Variants in DLGAP1 observed in about 807,000 individuals in gnomAD.
The protein encoded by DLGAP1 is DLG associated protein 1, also known as disks large-associated protein 1.
Under a neutral mutation model 90.8 loss-of-function variants are expected in DLGAP1, and 11 were observed. That is an observed-to-expected ratio of 0.12 (90% CI 0.08 to 0.20). The LOEUF (loss-of-function observed/expected upper bound fraction) is 0.20. DLGAP1 is among the 10% of genes least tolerant of loss of function. The pLI is 1.00. For missense variants in DLGAP1, 1,050 were observed against 1,333.8 expected (o/e 0.79, Z 3.31); for synonymous variants, 558 against 540.7 (o/e 1.03, Z -0.44).
rs569012198 is a variant in DLGAP1 at position 4,424,408 on chromosome 18, C to T, written c.-267+30598G>A. ...AAAGATTTACATTTTCCAGAATTCA[C>T]CTCCTCTATTTCTGATTTTTACACC... On this transcript the variant is annotated intron_variant, in intron 1 of 12. Coordinates refer to ENST00000315677, the MANE Select transcript of DLGAP1 (RefSeq NM_004746.4). Among the ~76,000 whole-genome samples, 5 of 152,218 alleles carry T rather than the reference C, an allele frequency of 3.3e-5. No individual in the cohort carries two copies. In the South Asian group the frequency reaches 1.0e-3, roughly 32 times the overall value.
chr18:4,301,362 T>C (rs1048373928), intron 1 of DLGAP1, among the ~76,000 whole-genome samples: 2 of 152,236 alleles, frequency 1.3e-5, no homozygotes, highest in African/African-American at 2.4e-5. Flanking sequence ...TTTCAGATTC[T>C]ACACAAAGTG....
intron 2 of DLGAP1, among the ~76,000 whole-genome samples, chr18:4,059,606 G>A (rs2075271361): frequency 6.6e-6 from 1 of 152,124 alleles, no homozygotes; most frequent in Admixed American, 6.5e-5. Flanking sequence ...AGCTACTCGG[G>A]AGGCTGAGGC....
At chr18:3,734,654 T>C (rs1407418393) in intron 6 of DLGAP1, among the ~76,000 whole-genome samples, 1 of 152,228 alleles carries the variant, frequency 6.6e-6, no homozygotes, top group African/African-American at 2.4e-5. Flanking sequence ...ATCCTACAAA[T>C]GTGAATAGGC....
intron 1 of DLGAP1, among the ~76,000 whole-genome samples, chr18:4,299,037 C>T (rs1205231556): frequency 1.2e-4 from 18 of 148,194 alleles, no homozygotes; most frequent in Admixed American, 8.2e-4. Flanking sequence ...GCCCAGATCA[C>T]GCCACTGCAG....
intron 11 of DLGAP1, among the ~76,000 whole-genome samples, chr18:3,506,322 T>C (rs2050213110): frequency 6.6e-6 from 1 of 151,780 alleles, no homozygotes; most frequent in Non-Finnish European, 1.5e-5. Context: ...GAGACCAGCC[T>C]GACCAACATG....
In DLGAP1 at chr18:3,661,525, C is replaced by A. The variant is rs1278881191; in HGVS notation, c.1591+67610G>T. Among the ~76,000 whole-genome samples, 6 of 151,546 alleles carry A rather than the reference C, an allele frequency of 4.0e-5. No individual in the cohort carries two copies. The East Asian group carries it at 1.2e-3, about 29-fold the overall frequency. ...ACATGCAGACACTCATAAACATCAG[C>A]TGAGCCTAAGTGTCAAGTTTAGGCA... is the stretch of plus-strand genomic sequence containing the variant. On this transcript the variant is annotated intron_variant, in intron 7 of 12. Transcript: ENST00000315677.
At chr18:4,240,633 T>C (rs2078514445) in intron 1 of DLGAP1, among the ~76,000 whole-genome samples, 1 of 152,182 alleles carries the variant, frequency 6.6e-6, no homozygotes, top group African/African-American at 2.4e-5. Context: ...ACAAATAGAA[T>C]AAAAATCATA....
chr18:4,366,287 G>A (rs2081764575), intron 1 of DLGAP1, among the ~76,000 whole-genome samples: 1 of 151,942 alleles, frequency 6.6e-6, no homozygotes, highest in African/African-American at 2.4e-5. Flanking sequence ...ATTTGGAATT[G>A]GAAATTTTGA....
At chr18:3,756,041 T>C (rs2063704666) in intron 5 of DLGAP1, among the ~76,000 whole-genome samples, 2 of 151,978 alleles carry the variant, frequency 1.3e-5, no homozygotes, top group Non-Finnish European at 2.9e-5. Flanking sequence ...AATTTAGAAA[T>C]TACACTAAAC....
chr18:4,083,745 T>G (rs1330522949), intron 2 of DLGAP1, among the ~76,000 whole-genome samples: 2 of 152,238 alleles, frequency 1.3e-5, no homozygotes, highest in Non-Finnish European at 2.9e-5. Flanking sequence ...AGGGGGAGCA[T>G]GCAGATGAGC....
chr18:4,287,917 C>G (rs1218246316), intron 1 of DLGAP1, among the ~76,000 whole-genome samples: 2 of 151,610 alleles, frequency 1.3e-5, no homozygotes, highest in Non-Finnish European at 2.9e-5. Context: ...AGCGGGTACC[C>G]TGCTAACAAA....
chr18:3,839,085 T>A (rs1307589417), intron 4 of DLGAP1, among the ~76,000 whole-genome samples: 1 of 152,356 alleles, frequency 6.6e-6, no homozygotes, highest in Non-Finnish European at 1.5e-5. Flanking sequence ...TTATAATTTC[T>A]TGCTTTTGAG....
chr18:4,086,042 C>T (rs113381312), intron 2 of DLGAP1, among the ~76,000 whole-genome samples: 16 of 152,228 alleles, frequency 1.1e-4, no homozygotes, highest in African/African-American at 3.9e-4. Context: ...AAATAACTAC[C>T]TTTCATGTAT....
intron 6 of DLGAP1, among the ~76,000 whole-genome samples, chr18:3,735,595 G>A (rs2062606455): frequency 6.6e-6 from 1 of 152,188 alleles, no homozygotes; most frequent in Non-Finnish European, 1.5e-5. Flanking sequence ...TTGTGATAGT[G>A]TAGTGGGAAA....
intron 1 of DLGAP1, among the ~76,000 whole-genome samples, chr18:4,248,321 T>G (rs914820948): frequency 6.6e-6 from 1 of 152,196 alleles, no homozygotes. Flanking sequence ...ATACTTTCAG[T>G]TCCTTCAGGA....
At chr18:4,200,927 C>T (rs184006191) in intron 1 of DLGAP1, among the ~76,000 whole-genome samples, 8 of 152,154 alleles carry the variant, frequency 5.3e-5, no homozygotes, top group East Asian at 1.9e-4. Context: ...TGTAGGCCTT[C>T]GACAAATTAT....
intron 1 of DLGAP1, among the ~76,000 whole-genome samples, chr18:4,251,960 G>A (rs753279158): frequency 6.6e-6 from 1 of 152,192 alleles, no homozygotes; most frequent in Non-Finnish European, 1.5e-5. Flanking sequence ...TTGAGCATTT[G>A]CTCTGTTCCA....
At chr18:4,213,404 G>A (rs2077887776) in intron 1 of DLGAP1, among the ~76,000 whole-genome samples, 1 of 152,194 alleles carries the variant, frequency 6.6e-6, no homozygotes, top group African/African-American at 2.4e-5. Flanking sequence ...GAATGGAAAG[G>A]AGTAGATGCA....
intron 2 of DLGAP1, among the ~76,000 whole-genome samples, chr18:4,130,608 C>T (rs1036335819): frequency 1.3e-5 from 2 of 152,102 alleles, no homozygotes. Context: ...AGATTCAGTC[C>T]TTGTTCTTGT....
Sources: allele counts gnomAD v4.1 joint callset (sites outside exome capture counted in the v4.1 genomes callset), GRCh38; gene constraint gnomAD v4.1.1; transcripts MANE v1.5; gene names NCBI Gene and HGNC (gene_info 2026-07-23, HGNC 2026-07-21).